Variants in VWA8 observed in about 807,000 individuals in gnomAD.
VWA8 encodes von Willebrand factor A domain-containing protein 8.
In VWA8, 221 loss-of-function variants were observed where a neutral mutation model predicts 241.5. That is an observed-to-expected ratio of 0.91 (90% confidence interval 0.82 to 1.02). The LOEUF is 1.02. VWA8 is among the 50% of genes least tolerant of loss of function. The pLI is 0.00. For synonymous variants in VWA8, 852 were observed against 827.1 expected (o/e 1.03, Z -0.52); for missense variants, 2,322 against 2,328.7 (o/e 1.00, Z 0.06).
At chr13:41,758,957 T>C (rs982019019) in intron 21 of VWA8, among the ~76,000 whole-genome samples, 1 of 151,618 alleles carries the variant, frequency 6.6e-6, no homozygotes, top group South Asian at 2.1e-4. Context: ...AAATGTGTTA[T>C]ATAATTTGAT....
chr13:41,858,258 T>A (rs1872846393), intron 12 of VWA8, among the ~76,000 whole-genome samples: 1 of 152,210 alleles, frequency 6.6e-6, no homozygotes, highest in Non-Finnish European at 1.5e-5. Flanking sequence ...GAATGTATTT[T>A]AAATTTAAAA....
intron 18 of VWA8, 95 bp downstream of exon 18, chr13:41,787,342 T>G: frequency 9.8e-7 from 1 of 1,016,180 alleles, no homozygotes; most frequent in Non-Finnish European, 1.5e-6. Flanking sequence ...CAAAAACTGT[T>G]TAACTGTTTA....
intron 21 of VWA8, among the ~76,000 whole-genome samples, chr13:41,751,223 A>G (rs2045653934): frequency 6.6e-6 from 1 of 152,238 alleles, no homozygotes; most frequent in African/African-American, 2.4e-5. Flanking sequence ...TCTACATGGA[A>G]AAGTAGAGGA....
intron 21 of VWA8, among the ~76,000 whole-genome samples, chr13:41,758,415 T>C (rs1485297323): frequency 1.2e-4 from 8 of 69,470 alleles, no homozygotes; most frequent in South Asian, 4.2e-4. Flanking sequence ...TATATATATA[T>C]ATATATATAT....
Position 41,611,558 on chromosome 13 carries a change from T to C in VWA8, c.4877+18A>G, listed in dbSNP as rs1223100879. The C allele has an allele frequency of 3.1e-6, 5 of 1,613,490 alleles. No homozygotes were observed. The highest frequency in any genetic ancestry group is 4.2e-6 in the Non-Finnish European group (5 of 1,179,568). ...ACCATAGCAGTAGTGCTGGTCTAAA[T>C]GTGATGGGAGCACTGACCTCTGCTG... On this transcript the variant is annotated intron_variant, in intron 39 of 44. Transcript: ENST00000379310.
chr13:41,955,369 G>A (rs1878308702), intron 1 of VWA8, among the ~76,000 whole-genome samples: 1 of 152,152 alleles, frequency 6.6e-6, no homozygotes, highest in South Asian at 2.1e-4. Context: ...TCAGTTCACA[G>A]GGGCTCCTGT....
chr13:41,695,627 A>G (rs1202199803), intron 29 of VWA8, among the ~76,000 whole-genome samples: 1 of 152,210 alleles, frequency 6.6e-6, no homozygotes, highest in Non-Finnish European at 1.5e-5. Context: ...CCGGGAAAAG[A>G]GAAGGCAGTT....
chr13:41,883,934 C>T (rs1295228983), intron 8 of VWA8, among the ~76,000 whole-genome samples: 1 of 152,178 alleles, frequency 6.6e-6, no homozygotes, highest in African/African-American at 2.4e-5. Flanking sequence ...GTTATAACTA[C>T]AAAATTAGAA....
intron 41 of VWA8, among the ~76,000 whole-genome samples, chr13:41,589,917 T>C (rs1158239421): frequency 6.6e-6 from 1 of 152,212 alleles, no homozygotes; most frequent in Non-Finnish European, 1.5e-5. Context: ...CATAAGCATC[T>C]GTACTTCACT....
At chr13:41,599,553 G>A (rs538610408) in intron 40 of VWA8, among the ~76,000 whole-genome samples, 7 of 151,948 alleles carry the variant, frequency 4.6e-5, no homozygotes, top group African/African-American at 1.2e-4. Flanking sequence ...CCTTATTCTC[G>A]AATGATGAGA....
chr13:41,885,108 ATT>A (rs955289486), intron 8 of VWA8, among the ~76,000 whole-genome samples: 10 of 152,182 alleles, frequency 6.6e-5, no homozygotes, highest in Admixed American at 5.2e-4. Flanking sequence ...CCAACTTAAT[ATT>A]GTCTGATAAG....
In VWA8 at chr13:41,770,440, CAAAAAAAA is replaced by C. The variant is rs35797822; in HGVS notation, c.2349+7537_2349+7544del. ...TGGGCGACAGAGCGAGACTCCGTTT[CAAAAAAAA>C]AAAAAAAAAGAAAAGAAACTGTAGT... On this transcript the variant is annotated intron_variant, in intron 20 of 44. Coordinates refer to ENST00000379310, the MANE Select transcript of VWA8 (RefSeq NM_015058.2). Among the ~76,000 whole-genome samples the C allele has an allele frequency of 1.3e-3, 134 of 102,430 alleles. 1 individual carries two copies. The highest frequency in any genetic ancestry group is 1.0e-3 in the Non-Finnish European group (54 of 51,496). The allele number at this position is 102,430 out of a possible 152,430, so 67.2% of individuals were successfully genotyped here.
intron 12 of VWA8, among the ~76,000 whole-genome samples, chr13:41,836,174 T>G (rs758821154): frequency 6.6e-6 from 1 of 152,146 alleles, no homozygotes; most frequent in Admixed American, 6.5e-5. Flanking sequence ...TGATGTGAGA[T>G]TGCAAAAGAT....
chr13:41,673,252 G>C (rs1171265013), intron 36 of VWA8, among the ~76,000 whole-genome samples: 1 of 152,164 alleles, frequency 6.6e-6, no homozygotes, highest in East Asian at 1.9e-4. Context: ...GAGAGCAAAA[G>C]TGATGTATTC....
intron 44 of VWA8, among the ~76,000 whole-genome samples, chr13:41,570,231 G>A (rs2044291383): frequency 6.6e-6 from 1 of 152,094 alleles, no homozygotes; most frequent in Non-Finnish European, 1.5e-5. Context: ...TGATTTATTA[G>A]TGGCTTAAAT....
At chr13:41,731,859 C>G (rs1265673402) in intron 22 of VWA8, among the ~76,000 whole-genome samples, 1 of 152,132 alleles carries the variant, frequency 6.6e-6, no homozygotes, top group East Asian at 1.9e-4. Flanking sequence ...GTGAGACATG[C>G]CTCTCACCTT....
At chr13:41,646,120 C>T (rs1333427951) in intron 37 of VWA8, among the ~76,000 whole-genome samples, 3 of 152,170 alleles carry the variant, frequency 2.0e-5, no homozygotes, top group African/African-American at 7.2e-5. Flanking sequence ...GCATGTGCCA[C>T]CACGCCCAGC....
chr13:41,681,511 T>A (rs1277926470), intron 35 of VWA8, among the ~76,000 whole-genome samples: 1 of 152,140 alleles, frequency 6.6e-6, no homozygotes, highest in Non-Finnish European at 1.5e-5. Context: ...AAAAGCTATA[T>A]GTTATTTTGT....
intron 9 of VWA8, among the ~76,000 whole-genome samples, chr13:41,873,042 C>G (rs912205023): frequency 6.6e-6 from 1 of 152,070 alleles, no homozygotes; most frequent in Admixed American, 6.6e-5. Flanking sequence ...AAGGTGGATT[C>G]CTAGGTATTT....
Sources: gnomAD v4.1 joint callset for allele counts (sites outside exome capture counted in the v4.1 genomes callset) on GRCh38, gnomAD v4.1.1 for gene constraint, MANE v1.5 for transcripts, NCBI Gene and HGNC (gene_info 2026-07-23, HGNC 2026-07-21) for gene names.